Variants in NUDT22 observed in about 807,000 individuals in gnomAD.
NUDT22 encodes uridine diphosphate glucose pyrophosphatase NUDT22.
NUDT22 carries 23 observed loss-of-function variants against 28.8 expected under a neutral mutation model. The ratio of observed to expected loss-of-function variants is 0.80; its 90% confidence interval spans 0.58 to 1.13. The LOEUF is 1.13. NUDT22 is among the 50% of genes most tolerant of loss of function. NUDT22 has a pLI of 0.00. For synonymous variants in NUDT22, 175 were observed against 173.7 expected (o/e 1.01, Z -0.06); for missense variants, 358 against 387.3 (o/e 0.92, Z 0.64).
intron 1 of NUDT22, 95 bp downstream of exon 1, chr11:64,226,522 T>C (rs1376209453): frequency 6.7e-7 from 1 of 1,481,718 alleles, no homozygotes; most frequent in Non-Finnish European, 8.9e-7. Context: ...GTCAGGGGGG[T>C]GGAGAAGCGC....
chr11:64,227,579 T>C lies in NUDT22; in HGVS notation c.492T>C (p.Pro164=). 6.2e-7 allele frequency: 1 copy of C among 1,613,730 alleles called. No individual in the cohort carries two copies. Among genetic ancestry groups the C allele is most frequent in the Non-Finnish European group, 8.5e-7 (1 of 1,179,902 alleles). ...GGHPEPQALC[P]GGSPQHQDLA... ...CTGACCTCTCACAGGCCCTGTGCCC[T>C]GGTGGCAGCCCCCAGCACCAGGACC... Residue 164 remains proline, a synonymous_variant, in exon 3 of 6, where the codon CCT becomes CCC. Coordinates refer to ENST00000279206, the MANE Select transcript of NUDT22 (RefSeq NM_032344.4).
chr11:64,230,186 G>A, downstream of NUDT22: 1 of 733,352 alleles, frequency 1.4e-6, no homozygotes. Context: ...GCTCCAGAGA[G>A]GCTCCGGGGC....
intron 3 of NUDT22, 50 bp from the exon 4 acceptor site, chr11:64,229,197 G>A (rs1471751868): frequency 2.3e-6 from 3 of 1,295,158 alleles, no homozygotes; most frequent in East Asian, 2.5e-5. Context: ...AGGGATGTGG[G>A]CAGTGGCATT....
chr11:64,229,511 C>T lies in NUDT22; in HGVS notation c.711C>T (p.His237=), dbSNP rs1418222574. The T allele has an allele frequency of 6.2e-7, 1 of 1,614,200 alleles. No individual in the cohort carries two copies. The highest frequency in any genetic ancestry group is 1.7e-5 in the Admixed American group (1 of 60,034). The change falls in exon 5 of 6, where the codon CAC becomes CAT. Residue 237 remains histidine, a synonymous_variant. Transcript: ENST00000279206. ...TGACTTCTGAGCAGGTGAGGAAGCACTACCTGAGTGGGGGACCCGAGGCCC... is the reference window on the plus strand; with the variant it reads ...TGACTTCTGAGCAGGTGAGGAAGCATTACCTGAGTGGGGGACCCGAGGCCC... The part of the protein sequence containing the change: ...CSLTSEQVRK[H]YLSGGPEAHE...
At position 64,226,424 on chromosome 11, in the gene NUDT22, G is replaced by C; in HGVS notation, c.-22G>C. On this transcript the variant is annotated 5_prime_UTR_variant, in exon 1 of 6. Coordinates refer to ENST00000279206, the MANE Select transcript of NUDT22 (RefSeq NM_032344.4). ...GGGGCGCCTGAACCCAAGACCTCTG[G>C]ATGGTAGGGATGCCCGGGCGTCCTG... The C allele has an allele frequency of 7.2e-7, 1 of 1,381,996 alleles. No individual in the cohort carries two copies. The highest frequency in any genetic ancestry group is 9.3e-7 in the Non-Finnish European group (1 of 1,075,060). 85.6% of individuals were successfully genotyped at this position (1,381,996 alleles called of 1,614,324 possible).
At position 64,227,147 on chromosome 11, in the gene NUDT22, T is replaced by G; in HGVS notation, c.480+15T>G. 1 of 1,576,304 alleles carries G rather than the reference T, an allele frequency of 6.3e-7. No homozygotes were observed. The highest frequency in any genetic ancestry group is 8.6e-7 in the Non-Finnish European group (1 of 1,166,994). On this transcript the variant is annotated intron_variant, in intron 2 of 5. Transcript: ENST00000279206. ...CTGAGCCTCAGGTGAGATTCCAGGC[T>G]GGGCACAAAGACCCAGACAGCTCAA...
rs926467464 is a variant in NUDT22 at position 64,226,385 on chromosome 11, G to A, written c.-61G>A. 4 of 1,303,726 alleles carry A rather than the reference G, an allele frequency of 3.1e-6. No individual in the cohort carries two copies. The highest frequency in any genetic ancestry group is 3.9e-6 in the Non-Finnish European group (4 of 1,029,022). The allele number at this position is 1,303,726 out of a possible 1,614,324, so 80.8% of individuals were successfully genotyped here. On this transcript the variant is annotated 5_prime_UTR_variant, in exon 1 of 6. Coordinates refer to ENST00000279206, the MANE Select transcript of NUDT22 (RefSeq NM_032344.4). Reference sequence around the variant, plus strand: ...TCGGAGGCAGACCCCTGGGTTTGGGGGACATGGGCATTTGGGGCGCCTGAA... The same window carrying A: ...TCGGAGGCAGACCCCTGGGTTTGGGAGACATGGGCATTTGGGGCGCCTGAA...
intron 5 of NUDT22, 129 bp downstream of exon 5, chr11:64,229,700 G>C: frequency 7.4e-7 from 1 of 1,355,030 alleles, no homozygotes; most frequent in Non-Finnish European, 1.0e-6. Flanking sequence ...TTTGCCCTCA[G>C]TGCAAGGGAA....
chr11:64,229,615 C>T (rs1424642042), intron 5 of NUDT22, 44 bp downstream of exon 5: 7 of 1,536,188 alleles, frequency 4.6e-6, no homozygotes, highest in Non-Finnish European at 5.4e-6. Flanking sequence ...AGGGCTGGGG[C>T]CTGCAGAGGC....
rs560825235 is a variant in NUDT22 at position 64,226,358 on chromosome 11, G to A, written c.-88G>A. 29 of 1,245,912 alleles carry A rather than the reference G, an allele frequency of 2.3e-5. No homozygotes were observed. The African/African-American group carries it at 4.1e-4, about 17-fold the overall frequency. 77.2% of individuals were successfully genotyped at this position (1,245,912 alleles called of 1,614,324 possible). ...TGGAAAGGGGTCCCCGCGCGCCCCGGGTCGGAGGCAGACCCCTGGGTTTGG... is the reference window on the plus strand; with the variant it reads ...TGGAAAGGGGTCCCCGCGCGCCCCGAGTCGGAGGCAGACCCCTGGGTTTGG... On this transcript the variant is annotated 5_prime_UTR_variant, in exon 1 of 6. Coordinates refer to ENST00000279206, the MANE Select transcript of NUDT22 (RefSeq NM_032344.4).
Position 64,226,728 on chromosome 11 carries a change from AG to A in NUDT22, c.77del (p.Ser26ThrfsTer24). ...CCAGGAGCAGATACAGGCCGAGCTG[AG>A]CCCCGCCCATGACCGTCGCCCACTG... ...LPQEQIQAEL[S>X]PAHDRRPLPG... is the part of the protein sequence containing the mutation. On this transcript the variant is annotated frameshift_variant, in exon 2 of 6. Coordinates refer to ENST00000279206, the MANE Select transcript of NUDT22 (RefSeq NM_032344.4). LOFTEE classifies it high-confidence loss of function. The A allele has an allele frequency of 6.2e-7, 1 of 1,610,498 alleles. No individual in the cohort carries two copies. The highest frequency in any genetic ancestry group is 8.5e-7 in the Non-Finnish European group (1 of 1,179,880).
At position 64,227,552 on chromosome 11, in the gene NUDT22, G is replaced by A. The variant is rs750572121; in HGVS notation, c.481-16G>A. 5 of 1,606,300 alleles carry A rather than the reference G, an allele frequency of 3.1e-6. No homozygotes were observed. Among genetic ancestry groups the A allele is most frequent in the Non-Finnish European group, 4.3e-6 (5 of 1,173,824 alleles). On this transcript the variant is annotated splice_polypyrimidine_tract_variant and intron_variant, in intron 2 of 5. Coordinates refer to ENST00000279206, the MANE Select transcript of NUDT22 (RefSeq NM_032344.4). ...GGAAGAGGTGGGGAGCAGGGGCTGAGCCTGACCTCTCACAGGCCCTGTGCC... is the reference window on the plus strand; with the variant it reads ...GGAAGAGGTGGGGAGCAGGGGCTGAACCTGACCTCTCACAGGCCCTGTGCC...
At position 64,226,292 on chromosome 11, in the gene NUDT22, C is replaced by A. The variant is rs367699671; in HGVS notation, c.-154C>A. The A allele has an allele frequency of 1.2e-5, 10 of 831,380 alleles. No individual in the cohort carries two copies. The highest frequency in any genetic ancestry group is 1.6e-5 in the Non-Finnish European group (10 of 633,974). 51.5% of individuals were successfully genotyped at this position (831,380 alleles called of 1,614,324 possible). A position where few individuals can be genotyped will look rare whatever the true frequency, so the allele number is the denominator to read the frequency against. ...AAGGGGCGGAGCCTGAGGGACCCGG[C>A]GGCTGGTGAGCGCCCGCTGGAGGCT... On this transcript the variant is annotated 5_prime_UTR_variant, in exon 1 of 6. Coordinates refer to ENST00000279206, the MANE Select transcript of NUDT22 (RefSeq NM_032344.4).
downstream of NUDT22, chr11:64,230,223 G>C: frequency 1.5e-6 from 1 of 671,168 alleles, no homozygotes; most frequent in Non-Finnish European, 2.7e-6. Flanking sequence ...GATATACCTC[G>C]CTGCAGAGGG....
intron 5 of NUDT22, 59 bp downstream of exon 5, chr11:64,229,630 C>A: frequency 4.1e-6 from 6 of 1,480,324 alleles, no homozygotes; most frequent in Non-Finnish European, 4.7e-6. Context: ...AGAGGCCTGG[C>A]AATGCATATC....
chr11:64,229,154 A>G (rs1293304911), intron 3 of NUDT22, 93 bp from the exon 4 acceptor site: 2 of 768,818 alleles, frequency 2.6e-6, no homozygotes, highest in South Asian at 1.7e-5. Context: ...AATGCTGTAC[A>G]CAGGTAACAG....
Position 64,226,918 on chromosome 11 carries a change from A to T in NUDT22, c.266A>T (p.Asp89Val), listed in dbSNP as rs774583464. The T allele has an allele frequency of 6.2e-7, 1 of 1,602,290 alleles. No individual in the cohort carries two copies. The highest frequency in any genetic ancestry group is 1.1e-5 in the South Asian group (1 of 91,064). ...CGCCTGGGCCTTACTTCCTACCGAG[A>T]CTTCCTGGGCACCAACTGGTCCAGC... ...LLRLGLTSYR[D>V]FLGTNWSSSA... Residue 89 changes from aspartate (D) to valine (V), a missense_variant, in exon 2 of 6, where the codon GAC becomes GTC. Asp to Val is a radical substitution (Grantham distance 152). Coordinates refer to ENST00000279206, the MANE Select transcript of NUDT22 (RefSeq NM_032344.4).
chr11:64,226,365 G>C lies in NUDT22; in HGVS notation c.-81G>C, dbSNP rs1173649392. The C allele has an allele frequency of 7.9e-7, 1 of 1,263,242 alleles. No individual in the cohort carries two copies. The highest frequency in any genetic ancestry group is 3.3e-5 in the East Asian group (1 of 30,658). The allele number at this position is 1,263,242 out of a possible 1,614,324, so 78.3% of individuals were successfully genotyped here. A position where few individuals can be genotyped will look rare whatever the true frequency, so the allele number is the denominator to read the frequency against. On this transcript the variant is annotated 5_prime_UTR_variant, in exon 1 of 6. Transcript: ENST00000279206. ...GGGTCCCCGCGCGCCCCGGGTCGGA[G>C]GCAGACCCCTGGGTTTGGGGGACAT...
At position 64,227,007 on chromosome 11, in the gene NUDT22, G is replaced by T; in HGVS notation, c.355G>T (p.Asp119Tyr). 1 of 1,603,036 alleles carries T rather than the reference G, an allele frequency of 6.2e-7. No individual in the cohort carries two copies. Residue 119 changes from aspartate to tyrosine, a missense_variant, in exon 2 of 6, where the codon GAC becomes TAC. Transcript: ENST00000279206. ...GGGTGACACGCAGGCCTATCTGGCG[G>T]ACCCACTGGGGGTGGGCGCTGCACT... ...DWGDTQAYLA[D>Y]PLGVGAALAT...
Sources: gnomAD v4.1 joint callset for allele counts on GRCh38, gnomAD v4.1.1 for gene constraint, MANE v1.5 for transcripts, NCBI Gene and HGNC (gene_info 2026-07-23, HGNC 2026-07-21) for gene names.